Variants in JMJD6 observed in about 807,000 individuals in gnomAD.
The protein encoded by JMJD6 is bifunctional arginine demethylase and lysyl-hydroxylase JMJD6.
A neutral mutation model predicts 45.8 loss-of-function variants in JMJD6; 17 were observed. The ratio of observed to expected loss-of-function variants is 0.37; its 90% CI spans 0.25 to 0.56. The LOEUF is 0.56. Among genes scored for constraint, JMJD6 ranks in the 20% least tolerant of loss-of-function variants. The pLI is 0.79. For synonymous variants in JMJD6, 221 were observed against 196.3 expected (o/e 1.13, Z -1.05); for missense variants, 470 against 517.5 (o/e 0.91, Z 0.89).
At chr17:76,717,580 G>A (rs2076774295), downstream of JMJD6, among the ~76,000 whole-genome samples, 1 of 152,176 alleles carries the variant, frequency 6.6e-6, no homozygotes, top group African/African-American at 2.4e-5. Flanking sequence ...GGTGGCTCAT[G>A]CTTGTTGTAA....
Position 76,718,796 on chromosome 17 carries a change from A to G in JMJD6, c.1145T>C (p.Met382Thr). Residue 382 changes from methionine (M) to threonine (T), a missense_variant, in exon 6 of 6, where the codon ATG becomes ACG. By Grantham distance (81) the Met-to-Thr change is moderately conservative. Around this residue, in one of 4 missense-constraint regions of JMJD6, gnomAD observed 21 missense variants for 36.9 expected, o/e 0.57. Coordinates refer to ENST00000397625, the MANE Select transcript of JMJD6 (RefSeq NM_015167.3). Reference sequence around the variant, plus strand: ...GGAGGTGGTGTCCCCGTTTCCCACCATGCTGCACGTCCTCCTCTTCTTCCT... The same window carrying G: ...GGAGGTGGTGTCCCCGTTTCCCACCGTGCTGCACGTCCTCCTCTTCTTCCT... ...HRRKKRRTCS[M>T]VGNGDTTSQD... 7.4e-6 allele frequency: 12 copies of G among 1,614,158 alleles called. No homozygotes were observed. Among genetic ancestry groups the G allele is most frequent in the Non-Finnish European group, 1.0e-5 (12 of 1,180,018 alleles).
chr17:76,723,695 C>A (rs1441831077), intron 3 of JMJD6, 77 bp downstream of exon 3: 14 of 1,379,854 alleles, frequency 1.0e-5, no homozygotes, highest in Non-Finnish European at 5.1e-6. Flanking sequence ...CCCGCCTCAG[C>A]CTCCCAAAGT....
chr17:76,721,352 C>T (rs1400243338), intron 4 of JMJD6: 1 of 442,278 alleles, frequency 2.3e-6, no homozygotes, highest in South Asian at 1.6e-5. Flanking sequence ...CGTGCTGTAT[C>T]TGTTCTGTGG....
rs536132235 is a variant in JMJD6, at chr17:76,719,948, C to T, written c.1080+412G>A. ...ACCAGCCTGGTCAACACAGTGAAGCCCTACTGAAGTATACAGAGTTTATAG... is the reference window on the plus strand; with the variant it reads ...ACCAGCCTGGTCAACACAGTGAAGCTCTACTGAAGTATACAGAGTTTATAG... On this transcript the variant is annotated intron_variant, in intron 5 of 5. Transcript: ENST00000397625. 1.5e-4 allele frequency among the ~76,000 whole-genome samples: 23 copies of T among 152,136 alleles called. No homozygotes were observed. The South Asian group carries it at 4.8e-3, about 32-fold the overall frequency.
intron 2 of JMJD6, among the ~76,000 whole-genome samples, chr17:76,724,619 C>T (rs12947085): frequency 6.6e-6 from 1 of 151,630 alleles, no homozygotes; most frequent in African/African-American, 2.4e-5. Flanking sequence ...GAGTTCAAGA[C>T]CAGCCTGACC....
chr17:76,716,716 C>T, downstream of JMJD6: 2 of 1,614,046 alleles, frequency 1.2e-6, no homozygotes, highest in South Asian at 2.2e-5. Context: ...CACAAGTGTC[C>T]CTAATCCTGC....
intron 4 of JMJD6, among the ~76,000 whole-genome samples, chr17:76,720,828 C>A (rs924813443): frequency 2.0e-5 from 3 of 152,234 alleles, no homozygotes; most frequent in South Asian, 2.1e-4. Context: ...CAAAAAGTTT[C>A]TCTTCCTAGT....
intron 3 of JMJD6, among the ~76,000 whole-genome samples, 195 bp from the exon 4 acceptor site, chr17:76,722,128 G>A (rs1278278118): frequency 6.6e-6 from 1 of 152,174 alleles, no homozygotes; most frequent in Non-Finnish European, 1.5e-5. Flanking sequence ...GCACAGCCAT[G>A]CCCACCTGGT....
chr17:76,721,857 G>T lies in JMJD6; in HGVS notation c.882C>A (p.Phe294Leu). ...ITQNFASSTNFPVVWHKTVRG... is the reference protein window; with the variant it reads ...ITQNFASSTNLPVVWHKTVRG... ...TTACCGTCTTGTGCCATACCACAGGGAAGTTGGTGCTGCTGGCAAAATTTT... is the reference window on the plus strand; with the variant it reads ...TTACCGTCTTGTGCCATACCACAGGTAAGTTGGTGCTGCTGGCAAAATTTT... Residue 294 changes from phenylalanine (F) to leucine (L), a missense_variant, in exon 4 of 6, where the codon TTC (phenylalanine) becomes TTA (leucine). Physicochemically the swap from Phe to Leu is conservative, Grantham distance 22. This residue lies in a region of JMJD6 where 58 missense variants were observed against 103.9 expected (regional missense o/e 0.56). Transcript: ENST00000397625. 1 of 1,614,138 alleles carries T rather than the reference G, an allele frequency of 6.2e-7. No homozygotes were observed. Among genetic ancestry groups the T allele is most frequent in the East Asian group, 2.2e-5 (1 of 44,892 alleles).
chr17:76,724,822 AG>A (rs1357376241), intron 2 of JMJD6, among the ~76,000 whole-genome samples: 1 of 151,956 alleles, frequency 6.6e-6, no homozygotes, highest in Non-Finnish European at 1.5e-5. Flanking sequence ...ATCTCAATGA[AG>A]AAAAAAAAAA....
In JMJD6 at chr17:76,720,343, A is replaced by G; in HGVS notation, c.1080+17T>C. ...GCCTTGGAGGCTCCAGGAGTCAGCC[A>G]GAGAGCAAGGCCTCACCTCTGAGTC... On this transcript the variant is annotated intron_variant, in intron 5 of 5. Transcript: ENST00000397625. The G allele has an allele frequency of 6.2e-7, 1 of 1,613,308 alleles. No individual in the cohort carries two copies. The highest frequency in any genetic ancestry group is 8.5e-7 in the Non-Finnish European group (1 of 1,179,414).
chr17:76,724,604 G>T (rs1050652639), intron 2 of JMJD6, among the ~76,000 whole-genome samples: 36 of 151,846 alleles, frequency 2.4e-4, no homozygotes, highest in African/African-American at 8.5e-4. Flanking sequence ...ATCACCTGAG[G>T]TCAGGAGTTC....
At position 76,718,574 on chromosome 17, in the gene JMJD6, G is replaced by A; in HGVS notation, c.*155C>T. 2 of 1,416,302 alleles carry A rather than the reference G, an allele frequency of 1.4e-6. No individual in the cohort carries two copies. Among genetic ancestry groups the A allele is most frequent in the Non-Finnish European group, 9.2e-7 (1 of 1,088,516 alleles). 87.7% of individuals were successfully genotyped at this position (1,416,302 alleles called of 1,614,324 possible). A position where few individuals can be genotyped will look rare whatever the true frequency, so the allele number is the denominator to read the frequency against. Reference sequence around the variant, plus strand: ...TGGTAGCAGAGGGAAAGCTACTGGAGCAAACGCTAAGTGAATGGGTTCCCG... The same window carrying A: ...TGGTAGCAGAGGGAAAGCTACTGGAACAAACGCTAAGTGAATGGGTTCCCG... On this transcript the variant is annotated 3_prime_UTR_variant, in exon 6 of 6. Coordinates refer to ENST00000397625, the MANE Select transcript of JMJD6 (RefSeq NM_015167.3).
downstream of JMJD6, chr17:76,716,369 G>A (rs1309087093): frequency 2.9e-5 from 9 of 312,780 alleles, no homozygotes; most frequent in East Asian, 2.5e-4. Flanking sequence ...GACACAAGAC[G>A]TTACAAGGAT....
downstream of JMJD6, chr17:76,715,453 A>G (rs1337630905): frequency 6.6e-6 from 1 of 152,242 alleles, no homozygotes; most frequent in African/African-American, 2.4e-5. Flanking sequence ...CCTAGAGTAA[A>G]GCCACATGAC....
At chr17:76,720,276 G>A (rs938149030) in intron 5 of JMJD6, 84 bp downstream of exon 5, 85 of 1,255,554 alleles carry the variant, frequency 6.8e-5, no homozygotes, top group Non-Finnish European at 8.8e-5. Flanking sequence ...CTCCTGGATA[G>A]GAGGAGGAAG....
chr17:76,722,311 G>A (rs1049692386), intron 3 of JMJD6, among the ~76,000 whole-genome samples: 2 of 152,170 alleles, frequency 1.3e-5, no homozygotes, highest in Non-Finnish European at 2.9e-5. Flanking sequence ...CAGCCTCTAC[G>A]AAGAGGACAC....
chr17:76,722,032 A>G, intron 3 of JMJD6, 99 bp from the exon 4 acceptor site: 3 of 1,246,782 alleles, frequency 2.4e-6, no homozygotes, highest in Non-Finnish European at 3.4e-6. Flanking sequence ...CCCATAAGGG[A>G]GAGCCTACAG....
chr17:76,720,231 C>A, intron 5 of JMJD6, 129 bp downstream of exon 5: 4 of 826,844 alleles, frequency 4.8e-6, no homozygotes, highest in Admixed American at 2.1e-5. Context: ...AACTGTGTAA[C>A]CCTTAGAACA....
Sources: allele counts gnomAD v4.1 joint callset (sites outside exome capture counted in the v4.1 genomes callset), GRCh38; gene constraint gnomAD v4.1.1; regional missense constraint gnomAD v4.1.1; transcripts MANE v1.5; gene names NCBI Gene and HGNC (gene_info 2026-07-23, HGNC 2026-07-21).